The following MAPRE3 variants were observed in gnomAD, a reference collection of about 807,000 sequenced individuals.
MAPRE3 encodes the protein microtubule associated protein RP/EB family member 3.
Under a neutral mutation model 30.5 loss-of-function variants are expected in MAPRE3, and 2 were observed. The observed-to-expected ratio is 0.07, with a 90% confidence interval of 0.03 to 0.21. MAPRE3 has a LOEUF of 0.21. MAPRE3 is among the 10% of genes least tolerant of loss of function. The pLI is 1.00. For missense variants in MAPRE3, 204 were observed against 351.8 expected (o/e 0.58, Z 3.36); for synonymous variants, 110 against 127.7 (o/e 0.86, Z 0.93).
intron 1 of MAPRE3, among the ~76,000 whole-genome samples, chr2:27,021,562 C>T (rs1389987059): frequency 1.3e-5 from 2 of 152,200 alleles, no homozygotes. Flanking sequence ...CAAATCTGGT[C>T]AGGTTACTGT....
intron 1 of MAPRE3, among the ~76,000 whole-genome samples, chr2:27,004,980 G>A (rs1042914737): frequency 6.6e-6 from 1 of 152,028 alleles, no homozygotes. Flanking sequence ...AGTAATCAAA[G>A]AAACATTATT....
intron 4 of MAPRE3, among the ~76,000 whole-genome samples, chr2:27,025,280 C>T (rs1225418880): frequency 1.3e-5 from 2 of 152,184 alleles, no homozygotes; most frequent in African/African-American, 4.8e-5. Flanking sequence ...CCCAAATTTG[C>T]GTCCTAATTT....
At chr2:27,006,606 A>T (rs1332534596) in intron 1 of MAPRE3, among the ~76,000 whole-genome samples, 2 of 151,368 alleles carry the variant, frequency 1.3e-5, no homozygotes, top group African/African-American at 4.9e-5. Flanking sequence ...ATTTTTTTTA[A>T]AATTTTTTGT....
At position 27,024,383 on chromosome 2, in the gene MAPRE3, G is replaced by A. The variant is rs973644624; in HGVS notation, c.469+86G>A. The A allele has an allele frequency of 4.5e-5, 56 of 1,239,720 alleles. 1 individual carries two copies. The Admixed American group carries it at 1.2e-3, about 27-fold the overall frequency. 76.8% of individuals were successfully genotyped at this position (1,239,720 alleles called of 1,614,324 possible). A position where few individuals can be genotyped will look rare whatever the true frequency, so the allele number is the denominator to read the frequency against. ...AGGAGTGCCCCCTGGGCCACGGCCCGGCCCTGCCAGCCTGGAGGAGACTTG... is the reference window on the plus strand; with the variant it reads ...AGGAGTGCCCCCTGGGCCACGGCCCAGCCCTGCCAGCCTGGAGGAGACTTG... On this transcript the variant is annotated intron_variant, in intron 4 of 6. Transcript: ENST00000233121.
At chr2:27,000,315 G>A (rs1015622118) in intron 1 of MAPRE3, among the ~76,000 whole-genome samples, 3 of 152,182 alleles carry the variant, frequency 2.0e-5, no homozygotes, top group South Asian at 2.1e-4. Context: ...GACTCACCGC[G>A]GAGCAAAGGA....
In MAPRE3 at chr2:27,008,816, TGAG is replaced by T. The variant is rs536787534; in HGVS notation, c.-7-13395_-7-13393del. 1.7e-3 allele frequency among the ~76,000 whole-genome samples: 254 copies of T among 152,244 alleles called. 1 individual carries two copies. The highest frequency in any genetic ancestry group is 5.9e-3 in the African/African-American group (246 of 41,540). On this transcript the variant is annotated intron_variant, in intron 1 of 6. Transcript: ENST00000233121. ...AACCCTGACATCCTCAGTGGGTGAATGAGTAGACTGTGGTACATCCATACGTGT... is the reference window on the plus strand; with the variant it reads ...AACCCTGACATCCTCAGTGGGTGAATTAGACTGTGGTACATCCATACGTGT...
chr2:27,024,960 C>T (rs1010813448), intron 4 of MAPRE3, among the ~76,000 whole-genome samples: 2 of 152,302 alleles, frequency 1.3e-5, no homozygotes, highest in South Asian at 4.1e-4. Flanking sequence ...CCCACTCGCC[C>T]GCCTGCTTGC....
intron 1 of MAPRE3, among the ~76,000 whole-genome samples, chr2:26,984,002 C>G (rs911130912): frequency 6.6e-6 from 1 of 152,202 alleles, no homozygotes; most frequent in Admixed American, 6.5e-5. Context: ...AGATGACTGC[C>G]AAGTCCACAG....
chr2:26,993,247 G>A (rs1161914208), intron 1 of MAPRE3, among the ~76,000 whole-genome samples: 1 of 152,112 alleles, frequency 6.6e-6, no homozygotes, highest in Non-Finnish European at 1.5e-5. Context: ...GTGCACACCT[G>A]TAATCCCTGC....
At chr2:26,980,953 G>A (rs1396875567) in intron 1 of MAPRE3, among the ~76,000 whole-genome samples, 1 of 152,112 alleles carries the variant, frequency 6.6e-6, no homozygotes, top group Non-Finnish European at 1.5e-5. Flanking sequence ...AAGAGGGCAT[G>A]GCTCTTTCTA....
intron 1 of MAPRE3, among the ~76,000 whole-genome samples, chr2:26,999,824 G>A (rs964696799): frequency 6.6e-6 from 1 of 152,008 alleles, no homozygotes. Flanking sequence ...CTTTTAATGT[G>A]ACTGACATCT....
chr2:26,984,855 C>T (rs1666188656), intron 1 of MAPRE3: 1 of 152,190 alleles, frequency 6.6e-6, no homozygotes, highest in Non-Finnish European at 1.5e-5. Context: ...TTCCCATTGC[C>T]CCAGGTAACA....
At position 27,016,049 on chromosome 2, in the gene MAPRE3, C is replaced by T. The variant is rs866528414; in HGVS notation, c.-7-6163C>T. ...GCAAAATCACCAGATTAAACCTCCTCAACTTTTCTTTCCCTTGGCTCCATT... is the reference window on the plus strand; with the variant it reads ...GCAAAATCACCAGATTAAACCTCCTTAACTTTTCTTTCCCTTGGCTCCATT... On this transcript the variant is annotated intron_variant, in intron 1 of 6. Transcript: ENST00000233121. Among the ~76,000 whole-genome samples, 8 of 152,346 alleles carry T rather than the reference C, an allele frequency of 5.3e-5. No homozygotes were observed. The South Asian group carries it at 1.4e-3, about 28-fold the overall frequency.
chr2:26,980,550 C>T (rs1412729323), intron 1 of MAPRE3, among the ~76,000 whole-genome samples: 2 of 152,076 alleles, frequency 1.3e-5, no homozygotes, highest in Admixed American at 6.6e-5. Context: ...CATATTGATA[C>T]CAGTATGCTT....
chr2:26,991,391 TGATAGTGGTGGCTG>T (rs1341729988), intron 1 of MAPRE3, among the ~76,000 whole-genome samples: 1 of 152,110 alleles, frequency 6.6e-6, no homozygotes, highest in Non-Finnish European at 1.5e-5. Flanking sequence ...AGGAAGGAAG[TGATAGTGGTGGCTG>T]GACCAATACT....
In MAPRE3 at chr2:27,025,748, T is replaced by C. The variant is rs1197037262; in HGVS notation, c.624+11T>C. 3 of 1,614,014 alleles carry C rather than the reference T, an allele frequency of 1.9e-6. No individual in the cohort carries two copies. The highest frequency in any genetic ancestry group is 1.7e-5 in the Admixed American group (1 of 60,018). On this transcript the variant is annotated intron_variant, in intron 5 of 6. Coordinates refer to ENST00000233121, the MANE Select transcript of MAPRE3 (RefSeq NM_012326.4). ...GAACTCAACCAACAGGTGAGTGGGATGGGTAAGGGTAGCTGAGATAGCCCT... is the reference window on the plus strand; with the variant it reads ...GAACTCAACCAACAGGTGAGTGGGACGGGTAAGGGTAGCTGAGATAGCCCT...
intron 1 of MAPRE3, among the ~76,000 whole-genome samples, chr2:26,993,359 G>A (rs959393914): frequency 1.3e-5 from 2 of 151,944 alleles, no homozygotes; most frequent in South Asian, 2.1e-4. Context: ...AACAAGAGTG[G>A]AACTCATCTC....
intron 1 of MAPRE3, among the ~76,000 whole-genome samples, chr2:26,989,818 A>G (rs1448332975): frequency 6.6e-6 from 1 of 152,176 alleles, no homozygotes; most frequent in Non-Finnish European, 1.5e-5. Context: ...GGTTAAGAGA[A>G]AAGACTTTGG....
At chr2:26,999,484 CTTTCTTTTTTTT>C (rs1666538763) in intron 1 of MAPRE3, among the ~76,000 whole-genome samples, 1 of 75,560 alleles carries the variant, frequency 1.3e-5, no homozygotes, top group African/African-American at 5.8e-5. Flanking sequence ...TTCTTTCCTT[CTTTCTTTTTTTT>C]TTTTTTTTTT....
Sources: gnomAD v4.1 joint callset for allele counts (sites outside exome capture counted in the v4.1 genomes callset) on GRCh38, gnomAD v4.1.1 for gene constraint, MANE v1.5 for transcripts, NCBI Gene and HGNC (gene_info 2026-07-23, HGNC 2026-07-21) for gene names.